The following SUGCT variants were observed in gnomAD, a reference collection of about 807,000 sequenced individuals.
SUGCT encodes the protein succinyl-CoA:glutarate-CoA transferase.
Under a neutral mutation model 55.0 loss-of-function variants are expected in SUGCT, and 41 were observed. The ratio of observed to expected loss-of-function variants is 0.74; its 90% CI spans 0.58 to 0.97. The LOEUF is 0.97. Ranked by LOEUF, SUGCT falls within the 50% of genes least tolerant of loss-of-function variation. SUGCT has a pLI of 0.00. For synonymous variants in SUGCT, 187 were observed against 200.4 expected, an observed-to-expected ratio of 0.93 and a Z score of 0.56; for missense variants, 568 against 547.8, an observed-to-expected ratio of 1.04 and a Z score of -0.37.
chr7:40,636,231 G>A (rs1357590599), intron 12 of SUGCT, among the ~76,000 whole-genome samples: 2 of 152,178 alleles, frequency 1.3e-5, no homozygotes, highest in East Asian at 1.9e-4. Context: ...GCTGGAATTA[G>A]CTAAAGGCTC....
At chr7:40,795,225 T>TA (rs34859258) in intron 13 of SUGCT, among the ~76,000 whole-genome samples, 47,486 of 151,870 alleles carry the variant, frequency 0.31, 7,875 homozygotes, top group South Asian at 0.44. Flanking sequence ...GGCTTAGACA[T>TA]AAAATGACTT....
chr7:40,573,698 T>C (rs148723949), intron 12 of SUGCT, among the ~76,000 whole-genome samples: 1 of 152,312 alleles, frequency 6.6e-6, no homozygotes, highest in East Asian at 1.9e-4. Flanking sequence ...TTTTGAGAAA[T>C]GGCAGATGCC....
intron 9 of SUGCT, among the ~76,000 whole-genome samples, chr7:40,386,678 C>A (rs1478831065): frequency 2.0e-5 from 3 of 152,154 alleles, no homozygotes; most frequent in Non-Finnish European, 4.4e-5. Context: ...AATACACATA[C>A]TTTTATCCCC....
At chr7:40,182,421 G>C (rs571609759) in intron 3 of SUGCT, among the ~76,000 whole-genome samples, 11 of 152,194 alleles carry the variant, frequency 7.2e-5, no homozygotes, top group African/African-American at 2.4e-4. Context: ...ACAAAAAAAA[G>C]TAGACAGGCA....
At chr7:40,301,989 G>A (rs1373377213) in intron 8 of SUGCT, among the ~76,000 whole-genome samples, 3 of 152,018 alleles carry the variant, frequency 2.0e-5, no homozygotes, top group Non-Finnish European at 4.4e-5. Context: ...CCCTGGAAAG[G>A]GTAACATCAT....
intron 9 of SUGCT, among the ~76,000 whole-genome samples, chr7:40,423,064 G>A (rs968234968): frequency 1.3e-5 from 2 of 152,120 alleles, no homozygotes; most frequent in Non-Finnish European, 2.9e-5. Context: ...GATGCCTGAG[G>A]CACAGAGAGG....
chr7:41,012,451 A>G, the SUGCT span, among the ~76,000 whole-genome samples: 10 of 152,208 alleles, frequency 6.6e-5, no homozygotes, highest in African/African-American at 2.4e-4. Context: ...CTTAACCTGT[A>G]AAATAGGAAC....
chr7:40,836,461 C>T (rs12538907), intron 13 of SUGCT, among the ~76,000 whole-genome samples: 38,019 of 151,966 alleles, frequency 0.25, 5,754 homozygotes, highest in East Asian at 0.8. Flanking sequence ...CAGTTTTATG[C>T]GACTCATTGT....
intron 7 of SUGCT, among the ~76,000 whole-genome samples, chr7:40,270,153 A>G (rs1284320468): frequency 1.3e-5 from 2 of 151,766 alleles, no homozygotes; most frequent in African/African-American, 4.8e-5. Flanking sequence ...AAAAAAAAAA[A>G]AAGAAATTCT....
chr7:40,750,638 C>T lies in SUGCT; in HGVS notation c.1153+1141C>T, dbSNP rs145173301. Among the ~76,000 whole-genome samples, 1,395 of 152,028 alleles carry T rather than the reference C, an allele frequency of 9.2e-3. 15 individuals are homozygous for T. The highest frequency in any genetic ancestry group is 0.037 in the Middle Eastern group (11 of 294). On this transcript the variant is annotated intron_variant, in intron 13 of 13. Coordinates refer to ENST00000335693, the MANE Select transcript of SUGCT (RefSeq NM_001193313.2). ...CATAACCTACCAGATAGTGACCACT[C>T]GCGCATGAAAAGAGTAAGAAGAGGG... is the stretch of plus-strand genomic sequence containing the variant.
At chr7:40,207,952 G>A (rs1787087062) in intron 6 of SUGCT, among the ~76,000 whole-genome samples, 1 of 152,122 alleles carries the variant, frequency 6.6e-6, no homozygotes. Flanking sequence ...AGCAACCCAA[G>A]TATCCATTGA....
the SUGCT span, among the ~76,000 whole-genome samples, chr7:40,970,716 G>T: frequency 1.9e-4 from 29 of 152,176 alleles, no homozygotes; most frequent in African/African-American, 6.0e-4. Flanking sequence ...GAGACATTAT[G>T]AAACCCTTCT....
chr7:40,897,822 A>T, the SUGCT span, among the ~76,000 whole-genome samples: 3 of 152,184 alleles, frequency 2.0e-5, no homozygotes, highest in Non-Finnish European at 4.4e-5. Flanking sequence ...TTGTAAACGC[A>T]CCAATCAGCT....
At chr7:40,223,844 CTTGTTAAT>C (rs1307750085) in intron 6 of SUGCT, among the ~76,000 whole-genome samples, 2 of 152,136 alleles carry the variant, frequency 1.3e-5, no homozygotes, top group Non-Finnish European at 2.9e-5. Context: ...AAAGGTGATT[CTTGTTAAT>C]TTGTTACTCA....
chr7:40,926,878 T>C, the SUGCT span, among the ~76,000 whole-genome samples: 1 of 152,228 alleles, frequency 6.6e-6, no homozygotes, highest in African/African-American at 2.4e-5. Flanking sequence ...TGTTTTTCAG[T>C]CTTTCCATCA....
At chr7:40,491,992 AAAATAAATAAAT>A (rs10669502) in intron 11 of SUGCT, among the ~76,000 whole-genome samples, 2 of 150,132 alleles carry the variant, frequency 1.3e-5, no homozygotes, top group Admixed American at 1.3e-4. Flanking sequence ...TCTGTTTCCA[AAAATAAATAAAT>A]AAATAAATAA....
At chr7:40,349,759 A>G (rs185052052) in intron 9 of SUGCT, among the ~76,000 whole-genome samples, 127 of 152,198 alleles carry the variant, frequency 8.3e-4, no homozygotes, top group African/African-American at 2.9e-3. Context: ...AGCAGTCTCT[A>G]TCTCTCGGGC....
At chr7:41,037,854 T>C in the SUGCT span, among the ~76,000 whole-genome samples, 1 of 152,052 alleles carries the variant, frequency 6.6e-6, no homozygotes, top group African/African-American at 2.4e-5. Flanking sequence ...AAGCTCCTAG[T>C]TCTTGGCAGG....
At chr7:40,665,284 C>T (rs540470925) in intron 12 of SUGCT, among the ~76,000 whole-genome samples, 2 of 150,638 alleles carry the variant, frequency 1.3e-5, no homozygotes, top group African/African-American at 4.9e-5. Context: ...ACTAAAAATA[C>T]AAAAAGAATT....
Sources: gnomAD v4.1 joint callset for allele counts (sites outside exome capture counted in the v4.1 genomes callset) on GRCh38, gnomAD v4.1.1 for gene constraint, MANE v1.5 for transcripts, NCBI Gene and HGNC (gene_info 2026-07-23, HGNC 2026-07-21) for gene names.